The following GJB1 variants were observed in gnomAD, a reference collection of about 807,000 sequenced individuals.
GJB1 encodes the protein gap junction protein beta 1, also known as gap junction beta-1 protein.
Under a neutral mutation model 12.0 loss-of-function variants are expected in GJB1, and 1 was observed. That is an observed-to-expected ratio of 0.08 (90% CI 0.03 to 0.40). The LOEUF is 0.40. Among genes scored for constraint, GJB1 ranks in the 10% least tolerant of loss-of-function variants. The pLI is 0.98. For synonymous variants in GJB1, 114 were observed against 102.8 expected (o/e 1.11, Z -0.66); for missense variants, 140 against 250.3 (o/e 0.56, Z 2.97).
At chrX:71,218,513 C>A (rs1416918414), upstream of GJB1, among the ~76,000 whole-genome samples, 3 of 108,202 alleles carry the variant, frequency 2.8e-5, no homozygotes, top group Non-Finnish European at 3.8e-5. Flanking sequence ...ACCCGGGAGG[C>A]GGAGGTTGCA....
upstream of GJB1, among the ~76,000 whole-genome samples, chrX:71,218,750 T>G (rs79536606): frequency 9.3e-6 from 1 of 107,354 alleles, no homozygotes; most frequent in African/African-American, 3.4e-5. Flanking sequence ...CGGGCGTGGT[T>G]GCGGGGGCGC....
In GJB1 at chrX:71,224,160, T is replaced by C; in HGVS notation, c.453T>C (p.Tyr151=). ...FRLLFEAVFM[Y]VFYLLYPGYA... ...TGTTGTTTGAGGCCGTCTTCATGTA[T>C]GTCTTTTATCTGCTCTACCCTGGCT... Residue 151 remains tyrosine (Y), a synonymous_variant, in exon 2 of 2, where the codon TAT becomes TAC. Coordinates refer to ENST00000361726, the MANE Select transcript of GJB1 (RefSeq NM_000166.6). 8.3e-7 allele frequency: 1 copy of C among 1,205,906 alleles called. No homozygotes were observed. The highest frequency in any genetic ancestry group is 1.7e-5 in the African/African-American group (1 of 57,457).
At chrX:71,217,639 T>C (rs1458512629) in intron 1 of GJB1, 3 of 111,735 alleles carry the variant, frequency 2.7e-5, no homozygotes, top group Non-Finnish European at 5.6e-5. Context: ...CCTTGAGGCA[T>C]TGATATTGAC....
In GJB1 at chrX:71,223,228, G is replaced by A. The variant is rs1034254143; in HGVS notation, c.-124G>A. The A allele has an allele frequency of 7.2e-5, 14 of 195,375 alleles. No homozygotes were observed. Among genetic ancestry groups the A allele is most frequent in the Non-Finnish European group, 1.0e-4 (11 of 105,189 alleles). 16.1% of individuals were successfully genotyped at this position (195,375 alleles called of 1,213,427 possible). ...AGCATATGACTCCCCAGCACCGGGC[G>A]GTGATGAATTGGGACGCAGGCGCGG... On this transcript the variant is annotated 5_prime_UTR_variant, in exon 1 of 2. Coordinates refer to ENST00000361726, the MANE Select transcript of GJB1 (RefSeq NM_000166.6).
At chrX:71,218,315 G>A (rs2092529236), upstream of GJB1, among the ~76,000 whole-genome samples, 1 of 106,783 alleles carries the variant, frequency 9.4e-6, no homozygotes, top group African/African-American at 3.4e-5. Context: ...AGAAAGAGTT[G>A]TCAATTGATA....
At position 71,223,752 on chromosome X, in the gene GJB1, G is replaced by A. The variant is rs2092542147; in HGVS notation, c.45G>A (p.Arg15=). 8.3e-7 allele frequency: 1 copy of A among 1,209,984 alleles called. No individual in the cohort carries two copies. Among genetic ancestry groups the A allele is most frequent in the Non-Finnish European group, 1.1e-6 (1 of 893,971 alleles). The change falls in exon 2 of 2, where the codon CGG becomes CGA. Residue 15 remains arginine (R), a synonymous_variant. Coordinates refer to ENST00000361726, the MANE Select transcript of GJB1 (RefSeq NM_000166.6). ...ACACCTTGCTCAGTGGCGTGAACCG[G>A]CATTCTACTGCCATTGGCCGAGTAT... is the stretch of plus-strand genomic sequence containing the variant. The part of the protein sequence containing the change: ...GLYTLLSGVN[R]HSTAIGRVWL...
intron 1 of GJB1, 82 bp from the exon 2 acceptor site, chrX:71,223,610 G>A (rs192195270): frequency 4.9e-5 from 44 of 898,616 alleles, no homozygotes; most frequent in Non-Finnish European, 2.3e-5. Flanking sequence ...AAGAGTTGAG[G>A]GGGGGTGCGC....
At position 71,224,650 on chromosome X, in the gene GJB1, G is replaced by C; in HGVS notation, c.*91G>C. 1 of 797,838 alleles carries C rather than the reference G, an allele frequency of 1.3e-6. No homozygotes were observed. The highest frequency in any genetic ancestry group is 1.9e-6 in the Non-Finnish European group (1 of 539,415). The allele number at this position is 797,838 out of a possible 1,213,427, so 65.8% of individuals were successfully genotyped here. The stretch of plus-strand genomic sequence containing the variant: ...CCTGCCGGTGCACAGGCCTCTGCCT[G>C]CTGGGGATTACTCGATCAAAACCTT... On this transcript the variant is annotated 3_prime_UTR_variant, in exon 2 of 2. Coordinates refer to ENST00000361726, the MANE Select transcript of GJB1 (RefSeq NM_000166.6).
upstream of GJB1, among the ~76,000 whole-genome samples, chrX:71,219,937 G>A (rs1206104464): frequency 2.0e-5 from 2 of 101,853 alleles, no homozygotes; most frequent in Non-Finnish European, 4.0e-5. Context: ...CTGCCTCCCG[G>A]GTTCAAGCGA....
upstream of GJB1, among the ~76,000 whole-genome samples, chrX:71,219,320 G>T (rs182225235): frequency 9.1e-6 from 1 of 109,335 alleles, no homozygotes; most frequent in Non-Finnish European, 1.9e-5. Flanking sequence ...CAGCCACCAT[G>T]CCTGGATAAT....
chrX:71,221,673 G>A (rs1209871914), upstream of GJB1, among the ~76,000 whole-genome samples: 3 of 111,239 alleles, frequency 2.7e-5, no homozygotes, highest in Non-Finnish European at 5.7e-5. Context: ...GCAACTTAAT[G>A]GCAGAAGTGG....
intron 1 of GJB1, chrX:71,217,775 C>T (rs2092528342): frequency 9.0e-6 from 1 of 110,500 alleles, no homozygotes; most frequent in South Asian, 3.8e-4. Context: ...AGAAAAAAGG[C>T]GGGGAGTTAC....
chrX:71,224,542 C>A lies in GJB1; in HGVS notation c.835C>A (p.Arg279Ser). 8.4e-7 allele frequency: 1 copy of A among 1,187,586 alleles called. No individual in the cohort carries two copies. Among genetic ancestry groups the A allele is most frequent in the Non-Finnish European group, 1.1e-6 (1 of 883,319 alleles). ...GGCTGGGCTGGCTGAAAAGAGCGAC[C>A]GCTGCTCGGCCTGCTGATGCCACAT... ...TGAGLAEKSD[R>S]CSAC Residue 279 changes from arginine to serine, a missense_variant, in exon 2 of 2, where the codon CGC becomes AGC. Physicochemically the swap from Arg to Ser is moderately radical, Grantham distance 110. This residue lies in a region of GJB1 where 75 missense variants were observed against 78.8 expected (regional missense o/e 0.95). Coordinates refer to ENST00000361726, the MANE Select transcript of GJB1 (RefSeq NM_000166.6).
chrX:71,219,737 G>T (rs180910010), upstream of GJB1, among the ~76,000 whole-genome samples: 832 of 72,929 alleles, frequency 0.011, 14 homozygotes, highest in African/African-American at 0.046. Context: ...TCGCGCCACT[G>T]CAGTCCAGCC....
upstream of GJB1, among the ~76,000 whole-genome samples, chrX:71,220,349 A>G (rs1345710510): frequency 2.3e-5 from 2 of 88,226 alleles, no homozygotes; most frequent in Middle Eastern, 7.0e-3. Flanking sequence ...TTTTTTAAAT[A>G]TAATAGAGAC....
At chrX:71,215,723 A>G (rs2092524646) in intron 1 of GJB1, among the ~76,000 whole-genome samples, 1 of 111,533 alleles carries the variant, frequency 9.0e-6, no homozygotes, top group Non-Finnish European at 1.9e-5. Flanking sequence ...CATGCACCCA[A>G]CACGGGGCTG....
chrX:71,219,193 GAGAC>G (rs1226002937), upstream of GJB1, among the ~76,000 whole-genome samples: 1 of 100,279 alleles, frequency 1.0e-5, no homozygotes, highest in Non-Finnish European at 2.0e-5. Flanking sequence ...ATTATTTTCT[GAGAC>G]AGGCTGGAGT....
chrX:71,219,022 G>A (rs1057067585), upstream of GJB1, among the ~76,000 whole-genome samples: 1 of 110,549 alleles, frequency 9.0e-6, no homozygotes, highest in African/African-American at 3.3e-5. Context: ...TGTGATATGA[G>A]GATAAAGCAA....
intron 1 of GJB1, 40 bp downstream of exon 1, chrX:71,223,375 A>T: frequency 2.9e-6 from 1 of 346,527 alleles, no homozygotes; most frequent in South Asian, 3.8e-5. Flanking sequence ...GTCTGGAGTT[A>T]AGGAGCTAGG....
Sources: allele counts gnomAD v4.1 joint callset (sites outside exome capture counted in the v4.1 genomes callset), GRCh38; gene constraint gnomAD v4.1.1; regional missense constraint gnomAD v4.1.1; transcripts MANE v1.5; gene names NCBI Gene and HGNC (gene_info 2026-07-23, HGNC 2026-07-21).